SCN8A: variants seen among roughly 807,000 people sequenced by gnomAD.
SCN8A encodes the protein sodium channel protein type 8 subunit alpha.
In SCN8A, 30 loss-of-function variants were observed where a neutral mutation model predicts 184.1. The ratio of observed to expected loss-of-function variants is 0.16; its 90% confidence interval spans 0.12 to 0.22. SCN8A has a LOEUF of 0.22. Ranked by LOEUF, SCN8A falls within the 10% of genes least tolerant of loss-of-function variation. The probability of loss-of-function intolerance (pLI) is 1.00; values close to 1 mark genes in which losing one functional copy is unlikely to be tolerated. For missense variants in SCN8A, 1,057 were observed against 2,498.9 expected, an observed-to-expected ratio of 0.42 and a Z score of 12.30; for synonymous variants, 852 against 907.0, an observed-to-expected ratio of 0.94 and a Z score of 1.09.
intron 1 of SCN8A, among the ~76,000 whole-genome samples, chr12:51,648,209 A>G (rs1940633183): frequency 6.6e-6 from 1 of 152,202 alleles, no homozygotes; most frequent in Non-Finnish European, 1.5e-5. Context: ...AACTTGGAAA[A>G]GATAGAGTCT....
chr12:51,799,106 GC>G lies in SCN8A; in HGVS notation c.4795+4468del, dbSNP rs201079152. On this transcript the variant is annotated intron_variant, in intron 26 of 26. Coordinates refer to ENST00000627620, the MANE Select transcript of SCN8A (RefSeq NM_001330260.2). ...TCGTGCAGAACCGTCTGTAAACTAG[GC>G]CCTAGTCTTCTCTTCTTCTGTCAGT... Among the ~76,000 whole-genome samples, 1,354 of 152,272 alleles carry G rather than the reference GC, an allele frequency of 8.9e-3. 24 individuals carry two copies. Among genetic ancestry groups the G allele is most frequent in the African/African-American group, 0.031 (1,276 of 41,540 alleles).
chr12:51,786,960 T>C (rs541003404), intron 22 of SCN8A, 134 bp downstream of exon 22: 93 of 871,210 alleles, frequency 1.1e-4, no homozygotes, highest in Non-Finnish European at 1.5e-4. Flanking sequence ...AACAGTATTG[T>C]TCCCCAAACC....
At chr12:51,707,637 C>T (rs1941806302) in intron 11 of SCN8A, among the ~76,000 whole-genome samples, 1 of 152,210 alleles carries the variant, frequency 6.6e-6, no homozygotes, top group Non-Finnish European at 1.5e-5. Flanking sequence ...ACACACCTCA[C>T]AAACACACCC....
Position 51,806,175 on chromosome 12 carries a change from C to G in SCN8A, c.4796-107C>G. On this transcript the variant is annotated intron_variant, in intron 26 of 26. Coordinates refer to ENST00000627620, the MANE Select transcript of SCN8A (RefSeq NM_001330260.2). This position sits in a 1 kb window ranked among gnomAD's most constrained non-coding sequence, Gnocchi z 8.7. ...CAGACTGAATAGTAAGGCACTTATT[C>G]TGCAAAGCCCTTTGAACCTAAGGGT... 9.3e-7 allele frequency: 1 copy of G among 1,079,060 alleles called. No homozygotes were observed. Among genetic ancestry groups the G allele is most frequent in the South Asian group, 2.0e-5 (1 of 49,176 alleles). 66.8% of individuals were successfully genotyped at this position (1,079,060 alleles called of 1,614,324 possible). A position where few individuals can be genotyped will look rare whatever the true frequency, so the allele number is the denominator to read the frequency against.
At chr12:51,728,060 A>G (rs1015695705) in intron 12 of SCN8A, among the ~76,000 whole-genome samples, 1 of 152,178 alleles carries the variant, frequency 6.6e-6, no homozygotes, top group African/African-American at 2.4e-5. Context: ...CCTAAGTTTA[A>G]CAGATTAGAT....
intron 1 of SCN8A, among the ~76,000 whole-genome samples, chr12:51,624,386 G>GT (rs1940030313): frequency 6.6e-6 from 1 of 152,118 alleles, no homozygotes; most frequent in Admixed American, 6.5e-5. Context: ...TTTTTCATGT[G>GT]TTTTTTGGCT....
chr12:51,777,487 G>A (rs1261406406), intron 20 of SCN8A, among the ~76,000 whole-genome samples: 1 of 151,968 alleles, frequency 6.6e-6, no homozygotes, highest in African/African-American at 2.4e-5. Flanking sequence ...TTTGTTTTAG[G>A]TTTGATTCTT....
intron 1 of SCN8A, among the ~76,000 whole-genome samples, chr12:51,658,899 G>A (rs898289917): frequency 4.6e-5 from 7 of 152,036 alleles, no homozygotes; most frequent in African/African-American, 1.7e-4. Flanking sequence ...TGAGGATTTG[G>A]AACAACTGGA....
intron 2 of SCN8A, among the ~76,000 whole-genome samples, chr12:51,673,334 T>G (rs576149620): frequency 1.3e-5 from 2 of 152,322 alleles, no homozygotes; most frequent in Admixed American, 1.3e-4. Context: ...TGTCAGGGAT[T>G]GAGCATCTGT....
At chr12:51,642,170 C>T (rs1940471437) in intron 1 of SCN8A, among the ~76,000 whole-genome samples, 1 of 152,152 alleles carries the variant, frequency 6.6e-6, no homozygotes, top group Non-Finnish European at 1.5e-5. Flanking sequence ...TCTCTTCCTA[C>T]CTATTGTTCT....
chr12:51,698,085 C>G (rs1425524927), intron 6 of SCN8A, among the ~76,000 whole-genome samples: 1 of 152,152 alleles, frequency 6.6e-6, no homozygotes, highest in African/African-American at 2.4e-5. Flanking sequence ...AACTCCCGAC[C>G]TCAGGTGATC....
At chr12:51,627,852 A>G (rs965945503) in intron 1 of SCN8A, among the ~76,000 whole-genome samples, 6 of 152,262 alleles carry the variant, frequency 3.9e-5, no homozygotes, top group Non-Finnish European at 8.8e-5. Context: ...CTTCAAGGAC[A>G]GTAACTAGGG....
At chr12:51,699,350 C>G (rs1234029523) in intron 6 of SCN8A, among the ~76,000 whole-genome samples, 2 of 152,196 alleles carry the variant, frequency 1.3e-5, no homozygotes, top group Non-Finnish European at 2.9e-5. Context: ...GCAGAAGAAT[C>G]TTTCTTTTGC....
chr12:51,743,873 A>G lies in SCN8A; in HGVS notation c.1999-2030A>G, dbSNP rs140461605. Reference sequence around the variant, plus strand: ...CACTTTGGGAGTCCAAGGTGGGTGGATCACCTGAGGCCAGGAGTTTGATAC... The same window carrying G: ...CACTTTGGGAGTCCAAGGTGGGTGGGTCACCTGAGGCCAGGAGTTTGATAC... On this transcript the variant is annotated intron_variant, in intron 12 of 26. Transcript: ENST00000627620. Among the ~76,000 whole-genome samples, 471 of 152,334 alleles carry G rather than the reference A, an allele frequency of 3.1e-3. 3 individuals carry two copies. The highest frequency in any genetic ancestry group is 0.011 in the African/African-American group (455 of 41,590).
chr12:51,686,982 C>G (rs1168349382), intron 4 of SCN8A, 109 bp from the exon 5 acceptor site: 4 of 1,124,202 alleles, frequency 3.6e-6, no homozygotes, highest in Non-Finnish European at 5.3e-6. Flanking sequence ...TGTGCCCTTT[C>G]TGTTTTGTCT....
chr12:51,785,219 A>G (rs1038992980), intron 21 of SCN8A, among the ~76,000 whole-genome samples: 6 of 152,204 alleles, frequency 3.9e-5, no homozygotes, highest in Non-Finnish European at 8.8e-5. Context: ...ATAAATATGA[A>G]TATCATTCTC....
At chr12:51,794,198 G>A (rs1341022483) in intron 25 of SCN8A, among the ~76,000 whole-genome samples, 173 bp from the exon 26 acceptor site, 1 of 152,140 alleles carries the variant, frequency 6.6e-6, no homozygotes, top group African/African-American at 2.4e-5. Flanking sequence ...AAAGCTCTTG[G>A]TGAGGTAATA....
chr12:51,722,161 A>G (rs944064997), intron 12 of SCN8A: 7 of 560,534 alleles, frequency 1.2e-5, no homozygotes, highest in African/African-American at 3.9e-5. Flanking sequence ...TCTTTGCTCC[A>G]TTTTCCCCAT....
intron 11 of SCN8A, chr12:51,713,495 A>G (rs1941915315): frequency 2.6e-6 from 2 of 765,290 alleles, no homozygotes; most frequent in East Asian, 4.9e-5. Flanking sequence ...CTACCAATAA[A>G]CAGTTTTCTC....
Sources: gnomAD v4.1 joint callset for allele counts (sites outside exome capture counted in the v4.1 genomes callset) on GRCh38, gnomAD v4.1.1 for gene constraint, Gnocchi (gnomAD v3.1) non-coding constraint, MANE v1.5 for transcripts, NCBI Gene and HGNC (gene_info 2026-07-23, HGNC 2026-07-21) for gene names.